ITGAD: variants seen among roughly 807,000 people sequenced by gnomAD.
ITGAD encodes the protein integrin alpha-D.
Under a neutral mutation model 139.0 loss-of-function variants are expected in ITGAD, and 105 were observed. The ratio of observed to expected loss-of-function variants is 0.76; its 90% CI spans 0.65 to 0.89. The LOEUF (loss-of-function observed/expected upper bound fraction) is 0.89. ITGAD is among the 40% of genes least tolerant of loss of function. The pLI, the probability that ITGAD is intolerant of heterozygous loss-of-function variation, is 0.00. For missense variants in ITGAD, 1,384 were observed against 1,487.3 expected (o/e 0.93, Z 1.14); for synonymous variants, 569 against 598.3 (o/e 0.95, Z 0.71).
intron 23 of ITGAD, among the ~76,000 whole-genome samples, chr16:31,422,611 A>G (rs1033765725): frequency 1.3e-5 from 2 of 152,146 alleles, no homozygotes; most frequent in Admixed American, 6.6e-5. Context: ...CTATTAGAGA[A>G]AGCAATGCAA....
chr16:31,418,002 G>C (rs898191937), intron 20 of ITGAD, 73 bp from the exon 21 acceptor site: 1 of 1,168,952 alleles, frequency 8.6e-7, no homozygotes, highest in Non-Finnish European at 1.3e-6. Context: ...GTGCTCTGCA[G>C]TGCCACCACT....
chr16:31,416,606 A>C lies in ITGAD; in HGVS notation c.2459A>C (p.Tyr820Ser), dbSNP rs560084740. 1.2e-6 allele frequency: 2 copies of C among 1,613,296 alleles called. No homozygotes were observed. Among genetic ancestry groups the C allele is most frequent in the African/African-American group, 2.7e-5 (2 of 75,048 alleles). Reference protein sequence around the residue: ...DSYGTVVSLYYPAGLSHRRVS... With the variant: ...DSYGTVVSLYSPAGLSHRRVS... Reference sequence around the variant, plus strand: ...TACGGAACCGTGGTCAGCCTCTACTATCCAGCAGGGCTGTCGCACCGACGG... The same window carrying C: ...TACGGAACCGTGGTCAGCCTCTACTCTCCAGCAGGGCTGTCGCACCGACGG... The change falls in exon 20 of 30, where the codon TAT becomes TCT. Residue 820 changes from tyrosine (Y) to serine (S), a missense_variant. Transcript: ENST00000389202.
chr16:31,411,605 C>A, intron 14 of ITGAD, 88 bp downstream of exon 14: 1 of 1,278,202 alleles, frequency 7.8e-7, no homozygotes, highest in Middle Eastern at 1.9e-4. Context: ...TGTCACCATT[C>A]CCTTCCTTGT....
intron 14 of ITGAD, among the ~76,000 whole-genome samples, chr16:31,412,178 A>G (rs1309395843): frequency 6.6e-6 from 1 of 150,894 alleles, no homozygotes; most frequent in Non-Finnish European, 1.5e-5. Flanking sequence ...CGAGTAGCTG[A>G]GATTATAGGC....
Position 31,410,835 on chromosome 16 carries a change from T to C in ITGAD, c.1313T>C (p.Val438Ala), listed in dbSNP as rs571996740. 3.2e-5 allele frequency: 52 copies of C among 1,612,270 alleles called. 2 individuals are homozygous for C. The South Asian group carries it at 5.7e-4, about 18-fold the overall frequency. ...GGGAAGGCTGTCATCTTCACCCAGG[T>C]GTCCAGGCAATGGAGGAAGAAGGCC... ...HTGKAVIFTQ[V>A]SRQWRKKAEV... Residue 438 changes from valine to alanine, a missense_variant, in exon 12 of 30, where the codon GTG becomes GCG. Physicochemically the swap from Val to Ala is moderately conservative, Grantham distance 64. Transcript: ENST00000389202.
intron 9 of ITGAD, 38 bp downstream of exon 9, chr16:31,407,954 TC>T: frequency 1.3e-6 from 2 of 1,532,244 alleles, no homozygotes; most frequent in South Asian, 1.2e-5. Context: ...AGCCAAGGGG[TC>T]CCCACCCAAT....
rs780114542 is a variant in ITGAD, at chr16:31,423,853, C to G, written c.3054C>G (p.Ser1018=). ...QISRSPMLDC[S]IADCLQFRCD... ...CCCTCTTCTGCCCCCAGGACTGCTCCATTGCTGACTGCCTGCAGTTCCGCT... is the reference window on the plus strand; with the variant it reads ...CCCTCTTCTGCCCCCAGGACTGCTCGATTGCTGACTGCCTGCAGTTCCGCT... The change falls in exon 27 of 30, where the codon TCC becomes TCG. Residue 1018 remains serine (S), a synonymous_variant. Coordinates refer to ENST00000389202, the MANE Select transcript of ITGAD (RefSeq NM_005353.3). The G allele has an allele frequency of 5.0e-6, 8 of 1,614,234 alleles. No homozygotes were observed. In the East Asian group the frequency reaches 1.8e-4, roughly 36 times the overall value.
At chr16:31,415,103 C>A in intron 18 of ITGAD, 112 bp downstream of exon 18, 1 of 1,209,418 alleles carries the variant, frequency 8.3e-7, no homozygotes, top group Non-Finnish European at 1.2e-6. Context: ...AGAAACCTGA[C>A]TCCAGTCTCT....
chr16:31,423,733 T>C (rs2082054148), intron 26 of ITGAD, 85 bp downstream of exon 26: 1 of 1,521,296 alleles, frequency 6.6e-7, no homozygotes, highest in South Asian at 1.1e-5. Flanking sequence ...CAGAGTTCCG[T>C]GCATGTCCTG....
chr16:31,393,392 G>A lies in ITGAD; in HGVS notation c.31+1G>A, dbSNP rs1335117580. 1.9e-6 allele frequency: 3 copies of A among 1,614,052 alleles called. No individual in the cohort carries two copies. Among genetic ancestry groups the A allele is most frequent in the African/African-American group, 1.3e-5 (1 of 75,028 alleles). On this transcript the variant is annotated splice_donor_variant, in intron 1 of 29. Transcript: ENST00000389202. LOFTEE classifies it high-confidence loss of function. ...TTCGGCACTGTGCTTCTTCTGAGTG[G>A]TAAGTGGGGCCAGGGTGCTGGGGAG... is the stretch of plus-strand genomic sequence containing the variant.
At position 31,408,488 on chromosome 16, in the gene ITGAD, C is replaced by A. The variant is rs143491528; in HGVS notation, c.1073C>A (p.Ala358Asp). 107 of 1,613,848 alleles carry A rather than the reference C, an allele frequency of 6.6e-5. 1 individual carries two copies. In the Middle Eastern group the frequency reaches 1.2e-3, roughly 17 times the overall value. The change falls in exon 10 of 30, where the codon GCC becomes GAC. Residue 358 changes from alanine (A) to aspartate (D), a missense_variant. Coordinates refer to ENST00000389202, the MANE Select transcript of ITGAD (RefSeq NM_005353.3). ...HEMSQEGFST[A>D]LTMDGLFLGA... ...ATGTCCCAAGAAGGCTTCAGCACAG[C>A]CCTCACAATGGTGGGTAGAGCCTGC... is the stretch of plus-strand genomic sequence containing the variant.
intron 29 of ITGAD, 113 bp from the exon 30 acceptor site, chr16:31,425,902 A>G: frequency 1.5e-6 from 1 of 658,358 alleles, no homozygotes; most frequent in East Asian, 2.9e-5. Flanking sequence ...GCTGGTCTCC[A>G]GCTCCTGACC....
At position 31,416,613 on chromosome 16, in the gene ITGAD, A is replaced by G; in HGVS notation, c.2466A>G (p.Ala822=). 1.2e-6 allele frequency: 2 copies of G among 1,612,662 alleles called. No individual in the cohort carries two copies. Among genetic ancestry groups the G allele is most frequent in the Non-Finnish European group, 1.7e-6 (2 of 1,178,832 alleles). ...YGTVVSLYYP[A]GLSHRRVSGA... is the part of the protein sequence containing the mutation. Reference sequence around the variant, plus strand: ...CCGTGGTCAGCCTCTACTATCCAGCAGGGCTGTCGCACCGACGGGTGTCAG... The same window carrying G: ...CCGTGGTCAGCCTCTACTATCCAGCGGGGCTGTCGCACCGACGGGTGTCAG... The change falls in exon 20 of 30, where the codon GCA becomes GCG. Residue 822 remains alanine, a synonymous_variant. Transcript: ENST00000389202.
At chr16:31,397,325 G>A (rs1322252436) in intron 2 of ITGAD, 34 bp from the exon 3 acceptor site, 1 of 1,458,068 alleles carries the variant, frequency 6.9e-7, no homozygotes, top group South Asian at 1.2e-5. Flanking sequence ...CCCCTCCTGT[G>A]GCTGCAGTGA....
At chr16:31,418,617 T>G in intron 23 of ITGAD, 53 bp downstream of exon 23, 4 of 1,336,454 alleles carry the variant, frequency 3.0e-6, no homozygotes, top group Non-Finnish European at 4.3e-6. Context: ...CTATGCCTGG[T>G]ACTCCTTCTG....
chr16:31,418,797 G>A (rs2081950932), intron 23 of ITGAD, among the ~76,000 whole-genome samples: 1 of 152,192 alleles, frequency 6.6e-6, no homozygotes, highest in African/African-American at 2.4e-5. Context: ...GAGGCAGGTG[G>A]TTCACCTGAG....
intron 23 of ITGAD, among the ~76,000 whole-genome samples, chr16:31,422,430 T>C (rs1260257437): frequency 7.2e-5 from 11 of 152,100 alleles, no homozygotes; most frequent in Admixed American, 7.2e-4. Flanking sequence ...CTATCTTCCT[T>C]CACATTTACT....
rs1345510945 is a variant in ITGAD, at chr16:31,426,280, A to G, written c.*152A>G. 2 of 577,348 alleles carry G rather than the reference A, an allele frequency of 3.5e-6. No homozygotes were observed. The highest frequency in any genetic ancestry group is 6.0e-5 in the Admixed American group (2 of 33,474). 35.8% of individuals were successfully genotyped at this position (577,348 alleles called of 1,614,324 possible). A position where few individuals can be genotyped will look rare whatever the true frequency, so the allele number is the denominator to read the frequency against. Reference sequence around the variant, plus strand: ...CCTTCTCGGAGAGATAGAGATTGTAATGTTTTTACATATCTGTCCATCTTT... The same window carrying G: ...CCTTCTCGGAGAGATAGAGATTGTAGTGTTTTTACATATCTGTCCATCTTT... On this transcript the variant is annotated 3_prime_UTR_variant, in exon 30 of 30. Coordinates refer to ENST00000389202, the MANE Select transcript of ITGAD (RefSeq NM_005353.3).
In ITGAD at chr16:31,414,670, C is replaced by T. The variant is rs997686552; in HGVS notation, c.2151+65C>T. ...GCCCAAGGCTGGCCTGGAGCACCCCCGTTCTCTGCTGAGCGAGGTGGGAAG... is the reference window on the plus strand; with the variant it reads ...GCCCAAGGCTGGCCTGGAGCACCCCTGTTCTCTGCTGAGCGAGGTGGGAAG... On this transcript the variant is annotated intron_variant, in intron 17 of 29. Coordinates refer to ENST00000389202, the MANE Select transcript of ITGAD (RefSeq NM_005353.3). 21 of 1,599,094 alleles carry T rather than the reference C, an allele frequency of 1.3e-5. 1 individual carries two copies. The highest frequency in any genetic ancestry group is 1.2e-4 in the African/African-American group (9 of 74,454).
Sources: allele counts gnomAD v4.1 joint callset (sites outside exome capture counted in the v4.1 genomes callset), GRCh38; gene constraint gnomAD v4.1.1; transcripts MANE v1.5; gene names NCBI Gene and HGNC (gene_info 2026-07-23, HGNC 2026-07-21).